SOX6: variants seen among roughly 807,000 people sequenced by gnomAD.
SOX6 encodes the protein transcription factor SOX-6.
In SOX6, 11 loss-of-function variants were observed where a neutral mutation model predicts 97.8. The observed-to-expected ratio is 0.11, with a 90% CI of 0.07 to 0.19. The LOEUF is 0.19. Ranked by LOEUF, SOX6 falls within the 10% of genes least tolerant of loss-of-function variation. The pLI is 1.00. For missense variants in SOX6, 810 were observed against 1,039.5 expected (o/e 0.78, Z 3.04); for synonymous variants, 360 against 371.4 (o/e 0.97, Z 0.35).
intron 3 of SOX6, among the ~76,000 whole-genome samples, chr11:16,622,816 A>G (rs949903096): frequency 5.3e-5 from 8 of 152,070 alleles, no homozygotes; most frequent in African/African-American, 1.9e-4. Context: ...TGGTAGTTCT[A>G]CTTTTAGTTG....
In SOX6 at chr11:16,526,418, G is replaced by A. The variant is rs1026011970; in HGVS notation, n.610-50030C>T. 3.8e-3 allele frequency among the ~76,000 whole-genome samples: 573 copies of A among 151,754 alleles called. 2 individuals are homozygous for A. Among genetic ancestry groups the A allele is most frequent in the African/African-American group, 0.013 (554 of 41,296 alleles). Reference sequence around the variant, plus strand: ...AAACACCGCATGTTCTCACTCATAGGTGGGAATTGAACAATGAGAACACAT... The same window carrying A: ...AAACACCGCATGTTCTCACTCATAGATGGGAATTGAACAATGAGAACACAT... On this transcript the variant is annotated intron_variant and non_coding_transcript_variant, in intron 4 of 5. Coordinates refer to the SOX6 transcript ENST00000524520.
intron 3 of SOX6, among the ~76,000 whole-genome samples, chr11:16,682,808 G>C (rs1373190330): frequency 6.6e-6 from 1 of 152,162 alleles, no homozygotes; most frequent in Non-Finnish European, 1.5e-5. Context: ...GTCTCTGTTT[G>C]CAGATGACAT....
chr11:16,330,677 C>T (rs1387318994), intron 2 of SOX6, among the ~76,000 whole-genome samples: 1 of 152,150 alleles, frequency 6.6e-6, no homozygotes, highest in Non-Finnish European at 1.5e-5. Context: ...ACATGATACT[C>T]AATCTAAACA....
intron 1 of SOX6, among the ~76,000 whole-genome samples, chr11:16,435,217 A>C (rs1859352780): frequency 6.6e-6 from 1 of 152,190 alleles, no homozygotes; most frequent in Non-Finnish European, 1.5e-5. Context: ...TTCTGTGTTA[A>C]ATCACATGAT....
At chr11:16,310,119 A>G (rs1855555394) in intron 3 of SOX6, among the ~76,000 whole-genome samples, 1 of 152,186 alleles carries the variant, frequency 6.6e-6, no homozygotes, top group African/African-American at 2.4e-5. Context: ...TCTGAGGCAT[A>G]TTTTCAAGGC....
At chr11:16,387,714 A>G (rs1049387016) in intron 1 of SOX6, among the ~76,000 whole-genome samples, 3 of 152,150 alleles carry the variant, frequency 2.0e-5, no homozygotes, top group Non-Finnish European at 4.4e-5. Context: ...AGTTAGAATT[A>G]TAAATGAATG....
At chr11:16,188,241 A>G (rs1170207587) in intron 4 of SOX6, among the ~76,000 whole-genome samples, 1 of 151,670 alleles carries the variant, frequency 6.6e-6, no homozygotes, top group East Asian at 1.9e-4. Context: ...AAAAAAAAAA[A>G]AAAAAGAAAA....
chr11:16,484,028 G>A lies in SOX6; in HGVS notation n.610-7640C>T, dbSNP rs969924895. On this transcript the variant is annotated intron_variant and non_coding_transcript_variant, in intron 4 of 5. Transcript: ENST00000524520. ...AGGCAAGGTCCTCGGGCTTGGCCCAGGGCCTGTCGGGAGAGCCGAGGGGGC... is the reference window on the plus strand; with the variant it reads ...AGGCAAGGTCCTCGGGCTTGGCCCAAGGCCTGTCGGGAGAGCCGAGGGGGC... The A allele has an allele frequency of 3.5e-5, 28 of 805,998 alleles. No individual in the cohort carries two copies. In the African/African-American group the frequency reaches 3.5e-4, roughly 10 times the overall value. The allele number at this position is 805,998 out of a possible 1,614,324, so 49.9% of individuals were successfully genotyped here.
intron 4 of SOX6, among the ~76,000 whole-genome samples, chr11:16,228,693 T>C (rs954189709): frequency 1.3e-5 from 2 of 152,284 alleles, no homozygotes; most frequent in African/African-American, 2.4e-5. Flanking sequence ...AAGGTAACTA[T>C]GTGAGGTGAT....
At chr11:16,606,045 A>C (rs1321269712) in intron 4 of SOX6, 1 of 151,670 alleles carries the variant, frequency 6.6e-6, no homozygotes, top group Non-Finnish European at 1.5e-5. Flanking sequence ...GCATTCTTTT[A>C]AGGTCGATTT....
At chr11:16,439,570 A>G (rs1039781112) in intron 1 of SOX6, among the ~76,000 whole-genome samples, 7 of 152,210 alleles carry the variant, frequency 4.6e-5, no homozygotes, top group Admixed American at 1.3e-4. Context: ...TGAATGAATA[A>G]TAAATTACAC....
At chr11:16,330,430 C>A (rs977832641) in intron 2 of SOX6, among the ~76,000 whole-genome samples, 1 of 152,120 alleles carries the variant, frequency 6.6e-6, no homozygotes, top group African/African-American at 2.4e-5. Context: ...TGGCACACAC[C>A]TGTAATCCCA....
chr11:16,412,500 C>A (rs1416350082), intron 1 of SOX6, among the ~76,000 whole-genome samples: 2 of 152,038 alleles, frequency 1.3e-5, no homozygotes, highest in Non-Finnish European at 2.9e-5. Flanking sequence ...CGGTTGGGCA[C>A]TATGGCAGGC....
At chr11:16,313,038 A>G (rs561810183) in intron 3 of SOX6, 11 of 152,270 alleles carry the variant, frequency 7.2e-5, no homozygotes, top group Admixed American at 7.2e-4. Flanking sequence ...TTTACAAAAG[A>G]CAGAAACTTT....
chr11:16,624,920 C>T (rs1241050255), intron 3 of SOX6, among the ~76,000 whole-genome samples: 1 of 152,050 alleles, frequency 6.6e-6, no homozygotes, highest in African/African-American at 2.4e-5. Flanking sequence ...GTGTATAATA[C>T]TTTTTGAGAT....
intron 3 of SOX6, 114 bp from the exon 4 acceptor site, chr11:16,234,785 C>A: frequency 1.8e-6 from 1 of 569,274 alleles, no homozygotes; most frequent in South Asian, 2.4e-5. Context: ...GTTGCTGTAG[C>A]TTGAACCCCA....
chr11:16,614,159 G>T (rs547853349), intron 3 of SOX6, among the ~76,000 whole-genome samples: 2 of 152,322 alleles, frequency 1.3e-5, no homozygotes, highest in South Asian at 2.1e-4. Flanking sequence ...AACTCCCAGG[G>T]CAGTGGCAGA....
Position 15,972,663 on chromosome 11 carries a change from TAATC to T in SOX6, c.*142_*145del. The T allele has an allele frequency of 1.2e-6, 1 of 828,796 alleles. No individual in the cohort carries two copies. Among genetic ancestry groups the T allele is most frequent in the Non-Finnish European group, 1.9e-6 (1 of 526,338 alleles). The allele number at this position is 828,796 out of a possible 1,614,324, so 51.3% of individuals were successfully genotyped here. A position where few individuals can be genotyped will look rare whatever the true frequency, so the allele number is the denominator to read the frequency against. The stretch of plus-strand genomic sequence containing the variant: ...AGTTCATGAAAAATCAGGGAAAACT[TAATC>T]TGTCTCACACTTTACGAAACAATTA... On this transcript the variant is annotated 3_prime_UTR_variant, in exon 16 of 16. Coordinates refer to ENST00000683767, the MANE Select transcript of SOX6 (RefSeq NM_001367873.1).
chr11:16,458,432 T>C (rs578245888), intron 1 of SOX6, among the ~76,000 whole-genome samples: 4 of 151,864 alleles, frequency 2.6e-5, no homozygotes, highest in East Asian at 1.9e-4. Context: ...TTTTAAAGTA[T>C]GCAAAAAAGT....
Sources: gnomAD v4.1 joint callset for allele counts (sites outside exome capture counted in the v4.1 genomes callset) on GRCh38, gnomAD v4.1.1 for gene constraint, MANE v1.5 for transcripts, NCBI Gene and HGNC (gene_info 2026-07-23, HGNC 2026-07-21) for gene names.